Variants in SULT1A1 observed in about 807,000 individuals in gnomAD.
SULT1A1 encodes the protein sulfotransferase 1A1.
A neutral mutation model predicts 36.8 loss-of-function variants in SULT1A1; 35 were observed. The observed-to-expected ratio is 0.95, with a 90% confidence interval of 0.73 to 1.26. SULT1A1 has a LOEUF of 1.26. SULT1A1 is among the 50% of genes most tolerant of loss of function. The probability of loss-of-function intolerance (pLI) is 0.00; values close to 1 mark genes in which losing one functional copy is unlikely to be tolerated. For missense variants in SULT1A1, 309 were observed against 383.0 expected (o/e 0.81, Z 1.61); for synonymous variants, 119 against 146.0 (o/e 0.82, Z 1.33).
intron 4 of SULT1A1, 26 bp downstream of exon 4, chr16:28,608,265 A>T (rs748251211): frequency 1.2e-6 from 2 of 1,610,902 alleles, no homozygotes; most frequent in East Asian, 4.5e-5. Context: ...GGGATTATGG[A>T]TGTGAAACAC....
At chr16:28,623,331 C>A (rs147482362) in exon 1 of SULT1A1, 1 of 1,514,206 alleles carries the variant, frequency 6.6e-7, no homozygotes, top group South Asian at 1.2e-5. Flanking sequence ...GCCCTGCAGC[C>A]GTTGCTGCAG....
At chr16:28,617,403 T>C (rs988636519) in intron 2 of SULT1A1, among the ~76,000 whole-genome samples, 1 of 152,236 alleles carries the variant, frequency 6.6e-6, no homozygotes, top group Non-Finnish European at 1.5e-5. Context: ...CATCGAACTC[T>C]AGTTAATGAC....
chr16:28,610,134 C>G (rs1440442797), upstream of SULT1A1: 1 of 1,285,758 alleles, frequency 7.8e-7, no homozygotes. Flanking sequence ...CATTACCCTC[C>G]TTAGTGTGCC....
chr16:28,619,978 A>G (rs1330088515), intron 2 of SULT1A1: 2 of 1,177,060 alleles, frequency 1.7e-6, no homozygotes. Context: ...ATATGTATAT[A>G]TATTGTATTG....
intron 2 of SULT1A1, among the ~76,000 whole-genome samples, chr16:28,616,665 C>T (rs1159486812): frequency 6.6e-6 from 1 of 152,080 alleles, no homozygotes; most frequent in African/African-American, 2.4e-5. Flanking sequence ...TCAAGGGATC[C>T]TCTCGCCTCA....
Position 28,608,339 on chromosome 16 carries a change from G to C in SULT1A1, c.324C>G (p.His108Gln), listed in dbSNP as rs1368441468. ...DTPAPRLLKT[H>Q]LPLALLPQTL... ...TCTGGGGGAGCAGAGCCAGGGGCAG[G>C]TGTGTCTTCAGGAGTCGTGGGGCCG... Residue 108 changes from histidine to glutamine, a missense_variant, in exon 4 of 8, where the codon CAC (histidine) becomes CAG (glutamine). This residue lies in a region of SULT1A1 where 219 missense variants were observed against 215.3 expected (regional missense o/e 1.02). Transcript: ENST00000314752. 1.2e-6 allele frequency: 2 copies of C among 1,612,370 alleles called. No homozygotes were observed. Among genetic ancestry groups the C allele is most frequent in the East Asian group, 4.5e-5 (2 of 44,864 alleles).
intron 2 of SULT1A1, among the ~76,000 whole-genome samples, chr16:28,615,702 C>T (rs943914302): frequency 1.1e-4 from 16 of 152,190 alleles, no homozygotes; most frequent in Non-Finnish European, 5.9e-5. Context: ...CCCCGAACGT[C>T]GGGCTGCGCT....
At chr16:28,619,966 G>A (rs2047617998) in intron 2 of SULT1A1, 1 of 1,082,722 alleles carries the variant, frequency 9.2e-7, no homozygotes, top group African/African-American at 1.6e-5. Flanking sequence ...GTTACTGATT[G>A]TATATGTATA....
chr16:28,608,147 C>T, intron 4 of SULT1A1, 144 bp downstream of exon 4: 1 of 1,221,874 alleles, frequency 8.2e-7, no homozygotes, highest in Non-Finnish European at 1.1e-6. Context: ...GCCACCACAC[C>T]CGGCTAATTT....
rs770582560 is a variant in SULT1A1 at position 28,608,821 on chromosome 16, A to G, written c.35T>C (p.Leu12Pro). 61 of 1,611,732 alleles carry G rather than the reference A, an allele frequency of 3.8e-5. 3 individuals are homozygous for G. The Middle Eastern group carries it at 6.3e-4, about 17-fold the overall frequency. Residue 12 changes from leucine to proline, a missense_variant, in exon 2 of 8, where the codon CTG becomes CCG. Coordinates refer to ENST00000314752, the MANE Select transcript of SULT1A1 (RefSeq NM_001055.4). ...ELIQDTSRPPLEYVKGVPLIK... is the reference protein window; with the variant it reads ...ELIQDTSRPPPEYVKGVPLIK... ...GAGCGGGACCCCCTTCACGTACTCC[A>G]GTGGCGGGCGGGAGGTGTCCTGGAT...
At chr16:28,621,877 G>A (rs771816384) in intron 1 of SULT1A1, among the ~76,000 whole-genome samples, 7 of 152,114 alleles carry the variant, frequency 4.6e-5, no homozygotes, top group Non-Finnish European at 1.0e-4. Context: ...AAGATTACAA[G>A]AATTTAACCA....
At chr16:28,608,422 G>A (rs2047308498) in intron 3 of SULT1A1, 34 bp from the exon 4 acceptor site, 3 of 1,612,450 alleles carry the variant, frequency 1.9e-6, no homozygotes, top group Non-Finnish European at 2.5e-6. Context: ...CTGGTGAGCT[G>A]AAGCCCCAGC....
At chr16:28,615,656 T>G (rs1220761548) in intron 2 of SULT1A1, among the ~76,000 whole-genome samples, 2 of 152,112 alleles carry the variant, frequency 1.3e-5, no homozygotes, top group African/African-American at 4.8e-5. Context: ...TGGGCCCGGG[T>G]GACCACTACC....
intron 1 of SULT1A1, chr16:28,620,191 T>C: frequency 6.5e-7 from 1 of 1,529,486 alleles, no homozygotes; most frequent in Non-Finnish European, 9.0e-7. Flanking sequence ...TGTATAACAG[T>C]TCATGTTTAA....
At position 28,608,403 on chromosome 16, in the gene SULT1A1, AG is replaced by A; in HGVS notation, c.275-16del. 6.2e-7 allele frequency: 1 copy of A among 1,612,480 alleles called. No individual in the cohort carries two copies. Among genetic ancestry groups the A allele is most frequent in the African/African-American group, 1.3e-5 (1 of 74,990 alleles). On this transcript the variant is annotated splice_polypyrimidine_tract_variant and intron_variant, in intron 3 of 7. Coordinates refer to ENST00000314752, the MANE Select transcript of SULT1A1 (RefSeq NM_001055.4). ...AGTCTCCATCCCTGAGCAGTGGGTC[AG>A]GGAAGGTCTGGTGAGCTGAAGCCCC...
rs2047238322 is a variant in SULT1A1, at chr16:28,607,215, A to G, written c.373-138T>C. On this transcript the variant is annotated intron_variant, in intron 4 of 7. Coordinates refer to ENST00000314752, the MANE Select transcript of SULT1A1 (RefSeq NM_001055.4). ...GAGATCTCACGGCACCGGTAGGGCC[A>G]AGTCAGGAGCTGAACCCTGCTCAGA... 3.4e-6 allele frequency: 5 copies of G among 1,474,712 alleles called. No homozygotes were observed. The African/African-American group carries it at 5.5e-5, about 16-fold the overall frequency. The allele number at this position is 1,474,712 out of a possible 1,614,324, so 91.4% of individuals were successfully genotyped here. A position where few individuals can be genotyped will look rare whatever the true frequency, so the allele number is the denominator to read the frequency against.
chr16:28,605,936 G>C lies in SULT1A1; in HGVS notation c.776-3C>G, dbSNP rs9282867. On this transcript the variant is annotated splice_polypyrimidine_tract_variant and splice_region_variant and intron_variant, in intron 7 of 7. Coordinates refer to ENST00000314752, the MANE Select transcript of SULT1A1 (RefSeq NM_001055.4). Reference sequence around the variant, plus strand: ...GGTCTTCCAGTCCCCAGCCATGCCTGGGGGAGGAAGGCAGGGAGCAAAGCT... The same window carrying C: ...GGTCTTCCAGTCCCCAGCCATGCCTCGGGGAGGAAGGCAGGGAGCAAAGCT... 47,210 of 1,604,544 alleles carry C rather than the reference G, an allele frequency of 0.029. 2,110 individuals carry two copies. The highest frequency in any genetic ancestry group is 0.036 in the Non-Finnish European group (41,780 of 1,174,006).
At chr16:28,610,142 G>A, upstream of SULT1A1, 1 of 1,285,802 alleles carries the variant, frequency 7.8e-7, no homozygotes, top group Non-Finnish European at 1.0e-6. Context: ...TCCTTAGTGT[G>A]CCAGCTGGAG....
upstream of SULT1A1, chr16:28,610,253 T>G (rs1304697686): frequency 9.8e-6 from 11 of 1,123,074 alleles, 1 homozygote; most frequent in South Asian, 1.4e-5. Flanking sequence ...TTTTGTAGGT[T>G]TTTTTTTTCT....
Sources: allele counts gnomAD v4.1 joint callset (sites outside exome capture counted in the v4.1 genomes callset), GRCh38; gene constraint gnomAD v4.1.1; regional missense constraint gnomAD v4.1.1; transcripts MANE v1.5; gene names NCBI Gene and HGNC (gene_info 2026-07-23, HGNC 2026-07-21).